The following PTPRD variants were observed in gnomAD, a reference collection of about 807,000 sequenced individuals.
PTPRD encodes the protein protein tyrosine phosphatase receptor type D.
PTPRD carries 34 observed loss-of-function variants against 214.5 expected under a neutral mutation model. The observed-to-expected ratio is 0.16, with a 90% CI of 0.12 to 0.21. The LOEUF (loss-of-function observed/expected upper bound fraction) is 0.21. Among genes scored for constraint, PTPRD ranks in the 10% least tolerant of loss-of-function variants. PTPRD has a pLI of 1.00. For synonymous variants in PTPRD, 1,128 were observed against 845.7 expected (o/e 1.33, Z -5.79); for missense variants, 2,545 against 2,398.7 (o/e 1.06, Z -1.27).
intron 3 of PTPRD, among the ~76,000 whole-genome samples, chr9:10,137,548 T>C (rs1406401551): frequency 1.3e-5 from 1 of 79,020 alleles, no homozygotes; most frequent in Non-Finnish European, 2.3e-5. Flanking sequence ...CTGGGGACTG[T>C]GGTGGCGTCG....
At chr9:9,692,829 C>G (rs1202594904) in intron 7 of PTPRD, among the ~76,000 whole-genome samples, 2 of 151,600 alleles carry the variant, frequency 1.3e-5, no homozygotes, top group East Asian at 3.9e-4. Flanking sequence ...ATAGTTTTCA[C>G]TGTAGAGATG....
intron 3 of PTPRD, among the ~76,000 whole-genome samples, chr9:10,176,043 T>A (rs1485698050): frequency 6.6e-6 from 1 of 151,972 alleles, no homozygotes; most frequent in African/African-American, 2.4e-5. Context: ...TGAACAATAT[T>A]TGTTTGGGAT....
chr9:9,814,136 A>T (rs1480103569), intron 5 of PTPRD, among the ~76,000 whole-genome samples: 3 of 152,156 alleles, frequency 2.0e-5, no homozygotes, highest in African/African-American at 7.2e-5. Flanking sequence ...GGTGTAGAAG[A>T]CATGTAAATC....
At chr9:8,698,532 G>A (rs2097985980) in intron 12 of PTPRD, among the ~76,000 whole-genome samples, 1 of 152,138 alleles carries the variant, frequency 6.6e-6, no homozygotes. Context: ...ATTTTCTGTT[G>A]AAAGTTTTAT....
chr9:9,714,218 G>C (rs1010243832), intron 7 of PTPRD, among the ~76,000 whole-genome samples: 1 of 151,986 alleles, frequency 6.6e-6, no homozygotes, highest in African/African-American at 2.4e-5. Context: ...CTTTTACCAT[G>C]GGGCTATAGC....
At chr9:9,845,470 G>A (rs1049484693) in intron 5 of PTPRD, among the ~76,000 whole-genome samples, 1 of 151,676 alleles carries the variant, frequency 6.6e-6, no homozygotes, top group Non-Finnish European at 1.5e-5. Flanking sequence ...AGAAGCTCAT[G>A]AGCATATACG....
intron 3 of PTPRD, among the ~76,000 whole-genome samples, chr9:10,215,450 C>T (rs146461564): frequency 4.6e-5 from 7 of 152,162 alleles, no homozygotes; most frequent in Non-Finnish European, 7.4e-5. Flanking sequence ...AATTTAACCT[C>T]GTGAGACACA....
intron 3 of PTPRD, among the ~76,000 whole-genome samples, chr9:10,146,578 T>C (rs1007714615): frequency 2.6e-5 from 4 of 152,110 alleles, no homozygotes; most frequent in African/African-American, 7.2e-5. Context: ...AGAAAATAAA[T>C]AGTCTTGAAA....
intron 3 of PTPRD, among the ~76,000 whole-genome samples, chr9:10,306,976 T>C (rs887514992): frequency 2.6e-5 from 4 of 152,174 alleles, no homozygotes; most frequent in Non-Finnish European, 5.9e-5. Flanking sequence ...ATGGGGTACA[T>C]GTGATATTTT....
At chr9:10,590,390 T>C (rs1184829774) in intron 2 of PTPRD, among the ~76,000 whole-genome samples, 1 of 152,006 alleles carries the variant, frequency 6.6e-6, no homozygotes, top group Non-Finnish European at 1.5e-5. Context: ...CAAACACATA[T>C]ACCCAGGTAA....
At chr9:9,980,276 G>C (rs1003165295) in intron 4 of PTPRD, among the ~76,000 whole-genome samples, 2 of 151,762 alleles carry the variant, frequency 1.3e-5, no homozygotes, top group Non-Finnish European at 2.9e-5. Flanking sequence ...ATATATACTT[G>C]TAATATATAA....
chr9:9,385,374 A>G (rs1170563172), intron 9 of PTPRD, among the ~76,000 whole-genome samples: 1 of 152,166 alleles, frequency 6.6e-6, no homozygotes, highest in Admixed American at 6.6e-5. Context: ...AATAAACAAG[A>G]GGAAAGTGAG....
In PTPRD at chr9:9,616,254, G is replaced by T. The variant is rs558036604; in HGVS notation, c.-286-41473C>A. Among the ~76,000 whole-genome samples, 4 of 152,038 alleles carry T rather than the reference G, an allele frequency of 2.6e-5. No homozygotes were observed. The East Asian group carries it at 7.7e-4, about 29-fold the overall frequency. On this transcript the variant is annotated intron_variant, in intron 7 of 45. Transcript: ENST00000381196. ...ATAAGTATATCCCAAGTAATACAGT[G>T]ACACCCCCCAAAATTATTTTTTGTT...
chr9:8,657,030 G>A (rs865883251), intron 12 of PTPRD, among the ~76,000 whole-genome samples: 1 of 152,106 alleles, frequency 6.6e-6, no homozygotes, highest in Non-Finnish European at 1.5e-5. Flanking sequence ...AATCTGACTG[G>A]CGAGGGATGG....
chr9:8,386,055 C>T (rs1206959950), intron 37 of PTPRD, among the ~76,000 whole-genome samples: 2 of 152,108 alleles, frequency 1.3e-5, no homozygotes, highest in African/African-American at 4.8e-5. Flanking sequence ...ACTTCTTTAC[C>T]AAACAATACC....
chr9:9,382,611 A>G (rs562660666), intron 9 of PTPRD, among the ~76,000 whole-genome samples: 3 of 152,236 alleles, frequency 2.0e-5, no homozygotes, highest in African/African-American at 7.2e-5. Context: ...ATATCACTTC[A>G]CATCTGTTAG....
chr9:9,403,301 A>AAAAAAAAAAAG (rs1569568028), intron 8 of PTPRD, among the ~76,000 whole-genome samples: 28 of 150,124 alleles, frequency 1.9e-4, no homozygotes, highest in Admixed American at 6.6e-4. Flanking sequence ...AAAAAAAAAA[A>AAAAAAAAAAAG]AAAAAAAAAA....
At chr9:8,803,407 A>G (rs578091349) in intron 11 of PTPRD, among the ~76,000 whole-genome samples, 17 of 152,170 alleles carry the variant, frequency 1.1e-4, no homozygotes, top group Admixed American at 6.5e-5. Context: ...ATCAAACTCA[A>G]TTGGAAGCTC....
intron 2 of PTPRD, among the ~76,000 whole-genome samples, chr9:10,518,778 C>A (rs868828791): frequency 1.3e-5 from 2 of 151,622 alleles, no homozygotes; most frequent in Non-Finnish European, 2.9e-5. Context: ...GTGATCTGCC[C>A]GCCTTGGCCT....
Sources: allele counts gnomAD v4.1 joint callset (sites outside exome capture counted in the v4.1 genomes callset), GRCh38; gene constraint gnomAD v4.1.1; transcripts MANE v1.5; gene names NCBI Gene and HGNC (gene_info 2026-07-23, HGNC 2026-07-21).